The following MID1 variants were observed in gnomAD, a reference collection of about 807,000 sequenced individuals.
The protein encoded by MID1 is E3 ubiquitin-protein ligase Midline-1.
A neutral mutation model predicts 40.4 loss-of-function variants in MID1; 7 were observed. The observed-to-expected ratio is 0.17, with a 90% CI of 0.10 to 0.33. MID1 has a LOEUF of 0.33. Ranked by LOEUF, MID1 falls within the 10% of genes least tolerant of loss-of-function variation. The pLI is 1.00. For missense variants in MID1, 367 were observed against 558.5 expected, an observed-to-expected ratio of 0.66 and a Z score of 3.46; for synonymous variants, 229 against 221.2, an observed-to-expected ratio of 1.04 and a Z score of -0.31.
chrX:10,595,201 G>C (rs1935389097), intron 1 of MID1, among the ~76,000 whole-genome samples: 1 of 111,764 alleles, frequency 8.9e-6, no homozygotes, highest in Non-Finnish European at 1.9e-5. Flanking sequence ...GACTCTTAAA[G>C]ATCTCTTTCT....
At chrX:10,516,609 T>C (rs11798974) in intron 3 of MID1, among the ~76,000 whole-genome samples, 3,276 of 50,027 alleles carry the variant, frequency 0.065, 72 homozygotes, top group South Asian at 0.13. Context: ...TGTGTGTGTG[T>C]GCGCGCGCGC....
In MID1 at chrX:10,718,386, A is replaced by G. The variant is rs185597673; in HGVS notation, c.-186-97967T>C. On this transcript the variant is annotated intron_variant, in intron 1 of 10. Transcript: ENST00000380785. ...GGATATCACCACTGATCCCACAGAA[A>G]TACAAACTACCATCAGAGAATACTA... Among the ~76,000 whole-genome samples, 85 of 112,147 alleles carry G rather than the reference A, an allele frequency of 7.6e-4. 1 individual carries two copies. In the East Asian group the frequency reaches 0.023, roughly 30 times the overall value.
chrX:10,449,719 G>A lies in MID1; in HGVS notation c.1656-3C>T. On this transcript the variant is annotated splice_region_variant and splice_polypyrimidine_tract_variant and intron_variant, in intron 9 of 9. Transcript: ENST00000317552. ...TGTAAGCAAGACCAATGGCATACCT[G>A]CGGAAACAAAACAGCAACAACAAAA... 1 of 1,188,639 alleles carries A rather than the reference G, an allele frequency of 8.4e-7. No homozygotes were observed. Among genetic ancestry groups the A allele is most frequent in the Non-Finnish European group, 1.1e-6 (1 of 875,139 alleles).
At chrX:10,584,273 A>G (rs1208471431) in intron 1 of MID1, among the ~76,000 whole-genome samples, 1 of 112,336 alleles carries the variant, frequency 8.9e-6, no homozygotes, top group Non-Finnish European at 1.9e-5. Context: ...GTTTCCAACA[A>G]ACGAATTTTG....
intron 9 of MID1, among the ~76,000 whole-genome samples, chrX:10,452,927 GTAA>G (rs1469378080): frequency 8.9e-6 from 1 of 111,887 alleles, no homozygotes; most frequent in Admixed American, 9.5e-5. Context: ...TATTAATAGA[GTAA>G]TAATCATTTA....
At chrX:10,603,404 C>T (rs1268722942) in intron 1 of MID1, among the ~76,000 whole-genome samples, 1 of 112,163 alleles carries the variant, frequency 8.9e-6, no homozygotes, top group East Asian at 2.8e-4. Context: ...AAAGTCTCTA[C>T]AATCCAGGCA....
intron 1 of MID1, among the ~76,000 whole-genome samples, chrX:10,707,366 G>T (rs755957170): frequency 1.8e-5 from 2 of 111,671 alleles, no homozygotes; most frequent in Admixed American, 1.9e-4. Context: ...ATATTCCATT[G>T]GTTTAAAACT....
At chrX:10,638,864 CA>C (rs745824019) in intron 1 of MID1, among the ~76,000 whole-genome samples, 2 of 112,215 alleles carry the variant, frequency 1.8e-5, no homozygotes, top group East Asian at 5.6e-4. Context: ...TGCTGTTCTG[CA>C]GCCTCTGCTG....
chrX:10,736,634 T>C (rs1298169301), intron 1 of MID1, among the ~76,000 whole-genome samples: 1 of 112,259 alleles, frequency 8.9e-6, no homozygotes, highest in Non-Finnish European at 1.9e-5. Context: ...GACAAGAACT[T>C]ACAAACTTCT....
chrX:10,531,716 TGGAG>T (rs1222336827), intron 2 of MID1, among the ~76,000 whole-genome samples: 3 of 112,391 alleles, frequency 2.7e-5, no homozygotes, highest in Non-Finnish European at 5.6e-5. Flanking sequence ...TTTATTTTAA[TGGAG>T]ATAAATAGGT....
chrX:10,553,289 T>TAC (rs200741650), intron 2 of MID1, among the ~76,000 whole-genome samples: 2,805 of 108,528 alleles, frequency 0.026, 97 homozygotes, highest in African/African-American at 0.089. Context: ...TATATATGTA[T>TAC]ACACACACAC....
chrX:10,474,307 C>A (rs898601612), intron 6 of MID1, among the ~76,000 whole-genome samples: 1 of 111,918 alleles, frequency 8.9e-6, no homozygotes, highest in Non-Finnish European at 1.9e-5. Flanking sequence ...TTGTGAGTTG[C>A]TTACTACTAT....
At chrX:10,774,485 T>C (rs1035432512) in intron 1 of MID1, among the ~76,000 whole-genome samples, 1 of 109,947 alleles carries the variant, frequency 9.1e-6, no homozygotes, top group African/African-American at 3.3e-5. Flanking sequence ...AACCCTATGC[T>C]TGACAGATAA....
chrX:10,517,115 A>G (rs1361680265), intron 3 of MID1, among the ~76,000 whole-genome samples: 1 of 111,781 alleles, frequency 8.9e-6, no homozygotes, highest in Non-Finnish European at 1.9e-5. Flanking sequence ...ATGTGGACTT[A>G]TAAGGATGTG....
chrX:10,815,884 A>G (rs1010126852), intron 1 of MID1, among the ~76,000 whole-genome samples: 3 of 111,963 alleles, frequency 2.7e-5, no homozygotes, highest in Non-Finnish European at 5.6e-5. Flanking sequence ...GAATCCTACC[A>G]TCTTTCACTC....
At chrX:10,623,082 A>C (rs146604164), upstream of MID1, among the ~76,000 whole-genome samples, 2 of 87,661 alleles carry the variant, frequency 2.3e-5, no homozygotes, top group Non-Finnish European at 4.3e-5. Flanking sequence ...TGCTGTCTCT[A>C]CAAAAAAAAA....
chrX:10,563,250 C>G (rs1198397167), intron 2 of MID1, among the ~76,000 whole-genome samples: 1 of 111,796 alleles, frequency 8.9e-6, no homozygotes, highest in Admixed American at 9.5e-5. Flanking sequence ...AACAAACTTC[C>G]TCAGCCAGCC....
intron 3 of MID1, among the ~76,000 whole-genome samples, chrX:10,501,872 T>C (rs1398413200): frequency 8.9e-6 from 1 of 112,128 alleles, no homozygotes; most frequent in Non-Finnish European, 1.9e-5. Flanking sequence ...CTAAGTTTTA[T>C]GGTGTAATAG....
At chrX:10,809,195 C>T (rs760871026) in intron 1 of MID1, among the ~76,000 whole-genome samples, 33 of 111,910 alleles carry the variant, frequency 2.9e-4, no homozygotes, top group African/African-American at 1.0e-3. Context: ...CATCACTGGC[C>T]ATCAGAGAAA....
Sources: gnomAD v4.1 joint callset for allele counts (sites outside exome capture counted in the v4.1 genomes callset) on GRCh38, gnomAD v4.1.1 for gene constraint, MANE v1.5 for transcripts, NCBI Gene and HGNC (gene_info 2026-07-23, HGNC 2026-07-21) for gene names.